Variants in MAPK3 observed in about 807,000 individuals in gnomAD.
MAPK3 encodes MAPK 1.
Under a neutral mutation model 41.8 loss-of-function variants are expected in MAPK3, and 30 were observed. That is an observed-to-expected ratio of 0.72 (90% confidence interval 0.54 to 0.97). The LOEUF is 0.97. Ranked by LOEUF, MAPK3 falls within the 50% of genes least tolerant of loss-of-function variation. The probability of loss-of-function intolerance (pLI) is 0.00; values close to 1 mark genes in which losing one functional copy is unlikely to be tolerated. For missense variants in MAPK3, 413 were observed against 509.9 expected, an observed-to-expected ratio of 0.81 and a Z score of 1.83; for synonymous variants, 222 against 213.4, an observed-to-expected ratio of 1.04 and a Z score of -0.35.
chr16:30,117,881 G>C lies in MAPK3; in HGVS notation c.661-97C>G. 6 of 1,121,790 alleles carry C rather than the reference G, an allele frequency of 5.3e-6. No homozygotes were observed. The South Asian group carries it at 7.7e-5, about 14-fold the overall frequency. 69.5% of individuals were successfully genotyped at this position (1,121,790 alleles called of 1,614,324 possible). On this transcript the variant is annotated intron_variant, in intron 4 of 8. Transcript: ENST00000263025. ...CACCTCCAAGTTAGATCCAACACCA[G>C]GCAGAAGGCAGAGGCCTGGAGGGCT...
Position 30,116,747 on chromosome 16 carries a change from T to A in MAPK3, c.1061A>T (p.Asp354Val). ...EPFTFAMELD[D>V]LPKERLKELI... ...CTCCTTCAGCCGCTCCTTAGGTAGG[T>A]CATCCAGCTCCATGGCGAAGGTGAA... Residue 354 changes from aspartate (D) to valine (V), a missense_variant, in exon 8 of 9, where the codon GAC becomes GTC. By Grantham distance (152) the Asp-to-Val change is radical. Around this residue, in one of 4 missense-constraint regions of MAPK3, gnomAD observed 123 missense variants for 147.8 expected, o/e 0.83. Coordinates refer to ENST00000263025, the MANE Select transcript of MAPK3 (RefSeq NM_002746.3). The A allele has an allele frequency of 6.2e-7, 1 of 1,613,836 alleles. No individual in the cohort carries two copies.
intron 2 of MAPK3, among the ~76,000 whole-genome samples, chr16:30,119,532 C>T (rs937631654): frequency 3.3e-5 from 5 of 152,142 alleles, no homozygotes; most frequent in Non-Finnish European, 7.3e-5. Flanking sequence ...GTTGTGAGTG[C>T]TAGGCAAACA....
chr16:30,117,101 A>C (rs745949833), intron 6 of MAPK3, 53 bp downstream of exon 6: 19 of 1,607,260 alleles, frequency 1.2e-5, no homozygotes, highest in Non-Finnish European at 1.4e-5. Context: ...GGGCTCACAC[A>C]CCCTCCACGA....
In MAPK3 at chr16:30,121,839, T is replaced by C; in HGVS notation, c.338A>G (p.Glu113Gly). ...IRDILRASTL[E>G]AMRDVYIVQD... ...TGAAGGATACACATCTCTCATGGCT[T>C]CCAGGGTGGACGCCCGCAGAATGTC... is the stretch of plus-strand genomic sequence containing the variant. The change falls in exon 2 of 9, where the codon GAA (glutamate) becomes GGA (glycine). Residue 113 changes from glutamate (E) to glycine (G), a missense_variant. Around this residue, in one of 4 missense-constraint regions of MAPK3, gnomAD observed 140 missense variants for 206.0 expected, o/e 0.68. Transcript: ENST00000263025. The C allele has an allele frequency of 6.2e-7, 1 of 1,614,042 alleles. No individual in the cohort carries two copies.
In MAPK3 at chr16:30,123,090, C is replaced by G; in HGVS notation, c.120G>C (p.Pro40=). 5 of 1,576,294 alleles carry G rather than the reference C, an allele frequency of 3.2e-6. No individual in the cohort carries two copies. Among genetic ancestry groups the G allele is most frequent in the Non-Finnish European group, 4.3e-6 (5 of 1,162,276 alleles). ...MVKGQPFDVG[P]RYTQLQYIGE... ...CGATGTACTGCAACTGCGTGTAGCG[C>G]GGGCCCACGTCGAACGGCTGCCCCT... is the stretch of plus-strand genomic sequence containing the variant. Residue 40 remains proline, a synonymous_variant, in exon 1 of 9, where the codon CCG becomes CCC. Coordinates refer to ENST00000263025, the MANE Select transcript of MAPK3 (RefSeq NM_002746.3).
In MAPK3 at chr16:30,121,759, C is replaced by T; in HGVS notation, c.353+65G>A. On this transcript the variant is annotated intron_variant, in intron 2 of 8. Transcript: ENST00000263025. ...GGGTAAGATGGAAACAGAAACCAAG[C>T]AACGGGTCCCCAGCCCAGCTGCGAG... is the stretch of plus-strand genomic sequence containing the variant. 6.6e-6 allele frequency: 10 copies of T among 1,517,874 alleles called. No homozygotes were observed. The South Asian group carries it at 1.2e-4, about 19-fold the overall frequency. 94.0% of individuals were successfully genotyped at this position (1,517,874 alleles called of 1,614,324 possible).
chr16:30,114,912 G>C (rs1596876532), intron 8 of MAPK3, among the ~76,000 whole-genome samples: 1 of 152,128 alleles, frequency 6.6e-6, no homozygotes, highest in Non-Finnish European at 1.5e-5. Flanking sequence ...AAACCTCTTA[G>C]AACAATGCTT....
At chr16:30,115,106 T>C (rs1388357647) in intron 8 of MAPK3, among the ~76,000 whole-genome samples, 3 of 150,290 alleles carry the variant, frequency 2.0e-5, no homozygotes, top group East Asian at 2.0e-4. Context: ...CCGGTTGCAA[T>C]GGCTCGTCCA....
At chr16:30,122,811 G>A (rs2073029842) in intron 1 of MAPK3, 2 of 412,794 alleles carry the variant, frequency 4.8e-6, no homozygotes, top group South Asian at 5.3e-5. Context: ...ATTACAGAAG[G>A]GTGGACTCAA....
chr16:30,120,042 G>A (rs76150243), intron 2 of MAPK3, among the ~76,000 whole-genome samples: 1 of 152,176 alleles, frequency 6.6e-6, no homozygotes, highest in South Asian at 2.1e-4. Flanking sequence ...GGTGGCAGGC[G>A]CCTGTAGTCC....
chr16:30,115,177 C>T (rs1435317282), intron 8 of MAPK3, among the ~76,000 whole-genome samples: 2 of 151,984 alleles, frequency 1.3e-5, no homozygotes, highest in Non-Finnish European at 2.9e-5. Flanking sequence ...TATGATTGCA[C>T]CACTGCATTC....
chr16:30,117,150 G>C lies in MAPK3; in HGVS notation c.907+4C>G, dbSNP rs767114348. The C allele has an allele frequency of 6.2e-7, 1 of 1,613,934 alleles. No homozygotes were observed. ...TCCCACACCCACCCTCATGTCTCTC[G>C]AACCTTTGGAGTCTGACTTGGGGAA... On this transcript the variant is annotated splice_donor_region_variant and intron_variant, in intron 6 of 8. Coordinates refer to ENST00000263025, the MANE Select transcript of MAPK3 (RefSeq NM_002746.3).
intron 2 of MAPK3, among the ~76,000 whole-genome samples, chr16:30,121,411 A>G (rs2073013834): frequency 6.6e-6 from 1 of 152,138 alleles, no homozygotes; most frequent in Non-Finnish European, 1.5e-5. Flanking sequence ...CGCCCAGCTG[A>G]CAGTTTTCTT....
At chr16:30,117,824 T>A in intron 4 of MAPK3, 40 bp from the exon 5 acceptor site, 18 of 1,494,906 alleles carry the variant, frequency 1.2e-5, no homozygotes, top group Non-Finnish European at 1.7e-5. Flanking sequence ...TGGGCCAGCC[T>A]CAACAGGGTC....
rs2072978578 is a variant in MAPK3 at position 30,118,151 on chromosome 16, C to T, written c.556G>A (p.Gly186Ser). The change falls in exon 4 of 9, where the codon GGC (glycine) becomes AGC (serine). Residue 186 changes from glycine (G) to serine (S), a missense_variant. Physicochemically the swap from Gly to Ser is moderately conservative, Grantham distance 56. Transcript: ENST00000263025. ...TTCDLKICDF[G>S]LARIADPEHD... ...TCAGGATCGGCAATCCGGGCCAGGCCGAAATCACAAATCTGGAATCAGACC... is the reference window on the plus strand; with the variant it reads ...TCAGGATCGGCAATCCGGGCCAGGCTGAAATCACAAATCTGGAATCAGACC... 6 of 1,613,934 alleles carry T rather than the reference C, an allele frequency of 3.7e-6. No individual in the cohort carries two copies. Among genetic ancestry groups the T allele is most frequent in the South Asian group, 1.1e-5 (1 of 91,082 alleles).
At chr16:30,117,388 C>G (rs1403234072) in intron 5 of MAPK3, 103 bp from the exon 6 acceptor site, 30 of 1,201,418 alleles carry the variant, frequency 2.5e-5, no homozygotes, top group Non-Finnish European at 3.4e-5. Context: ...CAACCCATGC[C>G]AATCCCTCAG....
At chr16:30,119,681 A>C (rs940486002) in intron 2 of MAPK3, among the ~76,000 whole-genome samples, 2 of 152,228 alleles carry the variant, frequency 1.3e-5, no homozygotes, top group East Asian at 3.8e-4. Context: ...TGGTTTGTGC[A>C]AGAAAAATGA....
intron 8 of MAPK3, 124 bp downstream of exon 8, chr16:30,116,512 T>G (rs986845886): frequency 9.1e-7 from 1 of 1,102,598 alleles, no homozygotes; most frequent in Non-Finnish European, 1.3e-6. Context: ...CCAGACACAT[T>G]GACCATGGGT....
In MAPK3 at chr16:30,117,720, C is replaced by T. The variant is rs1287735708; in HGVS notation, c.725G>A (p.Arg242Gln). The T allele has an allele frequency of 8.7e-6, 14 of 1,613,936 alleles. No homozygotes were observed. The Admixed American group carries it at 1.2e-4, about 13-fold the overall frequency. The change falls in exon 5 of 9, where the codon CGG becomes CAG. Residue 242 changes from arginine (R) to glutamine (Q), a missense_variant. Arg to Gln is a conservative substitution (Grantham distance 43). This residue lies in a region of MAPK3 where 140 missense variants were observed against 206.0 expected (regional missense o/e 0.68). Transcript: ENST00000263025. The part of the protein sequence containing the change: ...GCILAEMLSN[R>Q]PIFPGKHYLD... The stretch of plus-strand genomic sequence containing the variant: ...GTAGTGCTTGCCAGGGAAGATGGGC[C>T]GGTTAGAGAGCATCTCAGCCAGAAT...
Sources: gnomAD v4.1 joint callset for allele counts (sites outside exome capture counted in the v4.1 genomes callset) on GRCh38, gnomAD v4.1.1 for gene constraint, gnomAD v4.1.1 regional missense constraint, MANE v1.5 for transcripts, NCBI Gene and HGNC (gene_info 2026-07-23, HGNC 2026-07-21) for gene names.